TNRC6B: variants seen among roughly 807,000 people sequenced by gnomAD.
The protein encoded by TNRC6B is trinucleotide repeat containing adaptor 6B.
TNRC6B carries 52 observed loss-of-function variants against 203.6 expected under a neutral mutation model. The ratio of observed to expected loss-of-function variants is 0.26; its 90% CI spans 0.20 to 0.32. The LOEUF is 0.32. Ranked by LOEUF, TNRC6B falls within the 10% of genes least tolerant of loss-of-function variation. The pLI is 1.00. For synonymous variants in TNRC6B, 838 were observed against 845.7 expected (o/e 0.99, Z 0.16); for missense variants, 1,923 against 2,286.2 (o/e 0.84, Z 3.24).
chr22:40,072,407 G>A (rs1371388676), intron 1 of TNRC6B, among the ~76,000 whole-genome samples: 2 of 152,146 alleles, frequency 1.3e-5, no homozygotes, highest in Non-Finnish European at 2.9e-5. Context: ...TCCCAAGGAT[G>A]TTGTTGACAT....
At chr22:40,234,258 C>T (rs1380806250) in intron 1 of TNRC6B, among the ~76,000 whole-genome samples, 5 of 152,112 alleles carry the variant, frequency 3.3e-5, no homozygotes, top group Admixed American at 1.3e-4. Flanking sequence ...TGCATTCCTG[C>T]GTGATAGAGC....
At chr22:40,196,891 A>G (rs2069344002) in intron 1 of TNRC6B, among the ~76,000 whole-genome samples, 1 of 152,060 alleles carries the variant, frequency 6.6e-6, no homozygotes, top group African/African-American at 2.4e-5. Flanking sequence ...ACACACTTCC[A>G]TTACCTCATT....
intron 16 of TNRC6B, among the ~76,000 whole-genome samples, chr22:40,309,514 T>C (rs1380412213): frequency 6.6e-6 from 1 of 152,228 alleles, no homozygotes; most frequent in Non-Finnish European, 1.5e-5. Context: ...TATCATTTGG[T>C]TTCATGGCAT....
chr22:40,148,131 C>T (rs2068711054), intron 3 of TNRC6B, among the ~76,000 whole-genome samples: 1 of 152,070 alleles, frequency 6.6e-6, no homozygotes, highest in African/African-American at 2.4e-5. Flanking sequence ...GAAAGATGTT[C>T]AACATGAGTG....
chr22:40,244,755 C>G (rs972614097), intron 1 of TNRC6B, among the ~76,000 whole-genome samples: 14 of 152,154 alleles, frequency 9.2e-5, no homozygotes, highest in Non-Finnish European at 2.9e-5. Flanking sequence ...ATCTTTAAGT[C>G]TCCTTCCAGC....
chr22:40,144,676 G>GA (rs34160632), intron 3 of TNRC6B, among the ~76,000 whole-genome samples: 34,891 of 97,032 alleles, frequency 0.36, 7,305 homozygotes, highest in African/African-American at 0.62. Context: ...CTCCGTCTCG[G>GA]AAAAAAAAAA....
chr22:40,293,823 G>A (rs1477736258), intron 12 of TNRC6B, among the ~76,000 whole-genome samples: 1 of 152,002 alleles, frequency 6.6e-6, no homozygotes, highest in Admixed American at 6.6e-5. Context: ...TATATATTAA[G>A]TCATGGGAAG....
At chr22:40,113,273 T>C (rs1385431496) in intron 1 of TNRC6B, among the ~76,000 whole-genome samples, 1 of 152,190 alleles carries the variant, frequency 6.6e-6, no homozygotes, top group Non-Finnish European at 1.5e-5. Context: ...ACTGCAAAGA[T>C]AGTATTTCCA....
At chr22:40,135,643 A>G (rs1468503062) in intron 3 of TNRC6B, among the ~76,000 whole-genome samples, 1 of 152,066 alleles carries the variant, frequency 6.6e-6, no homozygotes. Context: ...CTGAGACTAC[A>G]GGTGTGCCAC....
chr22:40,270,022 A>G (rs1254750680), intron 5 of TNRC6B, 100 bp from the exon 6 acceptor site: 2 of 1,172,636 alleles, frequency 1.7e-6, no homozygotes, highest in Non-Finnish European at 2.3e-6. Flanking sequence ...ATTTCTACCA[A>G]CAGAATATAG....
chr22:40,115,556 C>T (rs1056003757), intron 1 of TNRC6B, among the ~76,000 whole-genome samples: 4 of 152,182 alleles, frequency 2.6e-5, no homozygotes, highest in Admixed American at 6.5e-5. Context: ...TTATTGGACT[C>T]TACCCAATAC....
At chr22:40,317,355 G>A (rs1164965948) in intron 21 of TNRC6B, among the ~76,000 whole-genome samples, 3 of 152,182 alleles carry the variant, frequency 2.0e-5, no homozygotes, top group African/African-American at 7.2e-5. Context: ...CAAGGTGGAT[G>A]GATCACGAGG....
rs536363848 is a variant in TNRC6B at position 40,106,849 on chromosome 22, C to G, written c.-120-10206C>G. On this transcript the variant is annotated intron_variant, in intron 1 of 23. Coordinates refer to the TNRC6B transcript ENST00000301923. ...AGTTGCCAGCTTTTCTTGCCACCCT[C>G]GCCATTCGAATTTCAGTTCTGTCCA... 3.4e-4 allele frequency: 392 copies of G among 1,140,264 alleles called. 4 individuals are homozygous for G. In the South Asian group the frequency reaches 4.7e-3, roughly 14 times the overall value. 70.6% of individuals were successfully genotyped at this position (1,140,264 alleles called of 1,614,324 possible).
intron 1 of TNRC6B, among the ~76,000 whole-genome samples, chr22:40,213,706 G>C (rs2069594620): frequency 6.6e-6 from 1 of 152,182 alleles, no homozygotes; most frequent in Admixed American, 6.5e-5. Context: ...GTGCCTGGGA[G>C]GCTGCATAGA....
chr22:40,179,529 G>A (rs144110562), intron 1 of TNRC6B, among the ~76,000 whole-genome samples: 16 of 152,318 alleles, frequency 1.1e-4, no homozygotes, highest in African/African-American at 3.1e-4. Flanking sequence ...ATGCAAATGG[G>A]TTGAATTGTC....
chr22:40,286,998 T>G (rs1433532600), intron 12 of TNRC6B, among the ~76,000 whole-genome samples: 2 of 152,132 alleles, frequency 1.3e-5, no homozygotes, highest in African/African-American at 4.8e-5. Flanking sequence ...TTTTGTTGTT[T>G]TTGTGTTTTT....
intron 1 of TNRC6B, among the ~76,000 whole-genome samples, chr22:40,071,354 A>G (rs1239089966): frequency 6.6e-6 from 1 of 152,178 alleles, no homozygotes; most frequent in East Asian, 1.9e-4. Context: ...AATGCTAAGT[A>G]AAAGAGATTT....
intron 1 of TNRC6B, among the ~76,000 whole-genome samples, chr22:40,101,164 T>C (rs2146304908): frequency 6.6e-6 from 1 of 152,200 alleles, no homozygotes; most frequent in Non-Finnish European, 1.5e-5. Flanking sequence ...AGCTAATTTT[T>C]TGTATCTTTA....
intron 1 of TNRC6B, among the ~76,000 whole-genome samples, chr22:40,109,318 C>G (rs2068313380): frequency 6.6e-6 from 1 of 152,138 alleles, no homozygotes; most frequent in Admixed American, 6.5e-5. Flanking sequence ...ATTGCTGGGT[C>G]AAATGGTATT....
Sources: allele counts gnomAD v4.1 joint callset (sites outside exome capture counted in the v4.1 genomes callset), GRCh38; gene constraint gnomAD v4.1.1; transcripts MANE v1.5; gene names NCBI Gene and HGNC (gene_info 2026-07-23, HGNC 2026-07-21).